The following CSMD3 variants were observed in gnomAD, a reference collection of about 807,000 sequenced individuals.
The protein encoded by CSMD3 is CUB and sushi domain-containing protein 3.
A neutral mutation model predicts 435.2 loss-of-function variants in CSMD3; 177 were observed. That is an observed-to-expected ratio of 0.41 (90% CI 0.36 to 0.46). The LOEUF is 0.46. Among genes scored for constraint, CSMD3 ranks in the 20% least tolerant of loss-of-function variants. CSMD3 has a pLI of 0.34. For missense variants in CSMD3, 4,265 were observed against 4,504.6 expected, an observed-to-expected ratio of 0.95 and a Z score of 1.52; for synonymous variants, 1,656 against 1,520.5, an observed-to-expected ratio of 1.09 and a Z score of -2.07.
intron 5 of CSMD3, among the ~76,000 whole-genome samples, chr8:113,075,234 C>T (rs7015519): frequency 0.67 from 101,566 of 151,240 alleles, 35,694 homozygotes; most frequent in East Asian, 0.95. Flanking sequence ...GAACAATTGC[C>T]ATTGACATCG....
intron 7 of CSMD3, among the ~76,000 whole-genome samples, chr8:112,964,403 A>C (rs540507737): frequency 6.6e-6 from 1 of 152,088 alleles, no homozygotes; most frequent in South Asian, 2.1e-4. Flanking sequence ...TACCTTCATA[A>C]GGCACAAAAG....
intron 3 of CSMD3, among the ~76,000 whole-genome samples, chr8:113,219,877 A>T (rs2092947101): frequency 6.6e-6 from 1 of 151,502 alleles, no homozygotes; most frequent in Non-Finnish European, 1.5e-5. Context: ...TGTTTGAAAT[A>T]TATTACAAAC....
intron 32 of CSMD3, among the ~76,000 whole-genome samples, chr8:112,417,266 G>C (rs1459388484): frequency 6.6e-6 from 1 of 152,116 alleles, no homozygotes; most frequent in African/African-American, 2.4e-5. Context: ...TCTGGAATCA[G>C]ACTCTCAAGG....
chr8:113,131,678 A>G (rs1311634325), intron 4 of CSMD3, among the ~76,000 whole-genome samples: 1 of 152,176 alleles, frequency 6.6e-6, no homozygotes, highest in Non-Finnish European at 1.5e-5. Context: ...CAGAGTCCCC[A>G]CTGGGGCACT....
intron 3 of CSMD3, among the ~76,000 whole-genome samples, chr8:113,212,403 C>T (rs1184647828): frequency 6.6e-6 from 1 of 152,096 alleles, no homozygotes; most frequent in Non-Finnish European, 1.5e-5. Flanking sequence ...TTCACATCTT[C>T]CCAAAGTTGT....
Position 113,169,830 on chromosome 8 carries a change from C to T in CSMD3, c.709+3892G>A, listed in dbSNP as rs2092234292. ...AAGGATTCTAAAGCTACATCATGTG[C>T]CCCAGGTATTCTCATTCAAGACTTG... On this transcript the variant is annotated intron_variant, in intron 4 of 70. Transcript: ENST00000297405. Among the ~76,000 whole-genome samples, 3 of 152,094 alleles carry T rather than the reference C, an allele frequency of 2.0e-5. No homozygotes were observed. In the South Asian group the frequency reaches 6.2e-4, roughly 31 times the overall value.
rs780496262 is a variant in CSMD3 at position 112,335,422 on chromosome 8, C to T, written c.7072G>A (p.Ala2358Thr). 10 of 1,613,730 alleles carry T rather than the reference C, an allele frequency of 6.2e-6. No homozygotes were observed. Among genetic ancestry groups the T allele is most frequent in the South Asian group, 1.1e-5 (1 of 91,070 alleles). ...GAAGTACTGTAGACTGATTCCAAAG[C>T]GGTATTGCCACTGAACTGACCGATC... ...PQIGQFSGNT[A>T]LESVYSTSNQ... The change falls in exon 45 of 71, where the codon GCT (alanine) becomes ACT (threonine). Residue 2358 changes from alanine to threonine, a missense_variant. Coordinates refer to ENST00000297405, the MANE Select transcript of CSMD3 (RefSeq NM_198123.2).
intron 28 of CSMD3, among the ~76,000 whole-genome samples, chr8:112,511,099 T>C (rs1215659995): frequency 6.6e-6 from 1 of 152,156 alleles, no homozygotes; most frequent in African/African-American, 2.4e-5. Context: ...AAACCAAATA[T>C]AGCAATAAAG....
chr8:113,221,742 A>C (rs1260919698), intron 3 of CSMD3, among the ~76,000 whole-genome samples: 1 of 151,330 alleles, frequency 6.6e-6, no homozygotes, highest in Non-Finnish European at 1.5e-5. Flanking sequence ...CTGTACTAAA[A>C]GATTGTCTTA....
At chr8:112,614,858 T>A (rs13266942) in intron 22 of CSMD3, among the ~76,000 whole-genome samples, 87,278 of 151,910 alleles carry the variant, frequency 0.57, 25,621 homozygotes, top group African/African-American at 0.68. Flanking sequence ...TACCTTTTAC[T>A]CTGGCTGGTA....
intron 1 of CSMD3, among the ~76,000 whole-genome samples, chr8:113,380,942 A>C (rs1342915912): frequency 6.6e-6 from 1 of 152,144 alleles, no homozygotes. Flanking sequence ...AAAGAGAAAA[A>C]GGCAAACCTC....
chr8:113,322,348 G>A (rs1015558929), intron 1 of CSMD3, among the ~76,000 whole-genome samples: 1 of 152,120 alleles, frequency 6.6e-6, no homozygotes, highest in African/African-American at 2.4e-5. Flanking sequence ...TTGGTGATGG[G>A]AGAGATGGAT....
intron 38 of CSMD3, among the ~76,000 whole-genome samples, chr8:112,365,552 C>T (rs1398940738): frequency 6.9e-6 from 1 of 144,382 alleles, no homozygotes; most frequent in African/African-American, 2.6e-5. Context: ...CTTTCATGCA[C>T]CAAGAAGGAT....
At chr8:112,281,122 CA>C in intron 59 of CSMD3, 51 bp downstream of exon 59, 1 of 1,306,902 alleles carries the variant, frequency 7.7e-7, no homozygotes, top group Non-Finnish European at 1.1e-6. Context: ...CTTATATACT[CA>C]TCAATACTTT....
Position 112,272,245 on chromosome 8 carries a change from C to T in CSMD3, c.9509-6655G>A, listed in dbSNP as rs184411446. On this transcript the variant is annotated intron_variant, in intron 59 of 70. Transcript: ENST00000297405. ...AGCAGCACAAATAGACTAAGACATT[C>T]GGGTTTTCTAAAAATTGATATCAGG... 1.9e-4 allele frequency among the ~76,000 whole-genome samples: 29 copies of T among 152,236 alleles called. No individual in the cohort carries two copies. In the East Asian group the frequency reaches 2.3e-3, roughly 12 times the overall value.
chr8:112,350,950 T>A (rs1826085048), intron 40 of CSMD3, among the ~76,000 whole-genome samples: 1 of 151,894 alleles, frequency 6.6e-6, no homozygotes, highest in Non-Finnish European at 1.5e-5. Context: ...GATACTGAAG[T>A]TGAGGATAAA....
intron 13 of CSMD3, among the ~76,000 whole-genome samples, chr8:112,771,294 A>T (rs2078107661): frequency 6.6e-6 from 1 of 151,952 alleles, no homozygotes; most frequent in Admixed American, 6.6e-5. Context: ...AATCCCAGAA[A>T]TTTGGGAGGT....
chr8:113,422,816 T>C (rs1489404789), intron 1 of CSMD3, among the ~76,000 whole-genome samples: 3 of 152,280 alleles, frequency 2.0e-5, no homozygotes, highest in East Asian at 1.9e-4. Flanking sequence ...TAATTATTTG[T>C]TTTAAACTTG....
chr8:113,106,413 AT>A (rs1297931327), intron 4 of CSMD3, among the ~76,000 whole-genome samples: 1 of 152,242 alleles, frequency 6.6e-6, no homozygotes, highest in East Asian at 1.9e-4. Flanking sequence ...AATAGAAACT[AT>A]TCAGAATGCA....
Sources: allele counts gnomAD v4.1 joint callset (sites outside exome capture counted in the v4.1 genomes callset), GRCh38; gene constraint gnomAD v4.1.1; transcripts MANE v1.5; gene names NCBI Gene and HGNC (gene_info 2026-07-23, HGNC 2026-07-21).